Variants in RPS6KA2 observed in about 807,000 individuals in gnomAD.
RPS6KA2 encodes the protein ribosomal protein S6 kinase A2.
Under a neutral mutation model 91.8 loss-of-function variants are expected in RPS6KA2, and 42 were observed. The ratio of observed to expected loss-of-function variants is 0.46; its 90% CI spans 0.36 to 0.59. The LOEUF (loss-of-function observed/expected upper bound fraction) is 0.59. Ranked by LOEUF, RPS6KA2 falls within the 20% of genes least tolerant of loss-of-function variation. RPS6KA2 has a pLI of 0.00. For synonymous variants in RPS6KA2, 414 were observed against 393.6 expected (o/e 1.05, Z -0.61); for missense variants, 798 against 978.5 (o/e 0.82, Z 2.46).
At chr6:166,705,700 CT>C (rs1562392894) in intron 2 of RPS6KA2, among the ~76,000 whole-genome samples, 1 of 152,118 alleles carries the variant, frequency 6.6e-6, no homozygotes, top group African/African-American at 2.4e-5. Flanking sequence ...TGACACAATC[CT>C]AGACATAGAC....
intron 2 of RPS6KA2, among the ~76,000 whole-genome samples, chr6:166,750,802 T>A (rs1036187350): frequency 6.6e-6 from 1 of 152,192 alleles, no homozygotes; most frequent in African/African-American, 2.4e-5. Context: ...AGCTGAGAAT[T>A]GGTCTAAAGC....
chr6:166,735,714 C>G (rs1583061278), intron 2 of RPS6KA2, among the ~76,000 whole-genome samples: 1 of 152,114 alleles, frequency 6.6e-6, no homozygotes, highest in South Asian at 2.1e-4. Context: ...TGCTGCTGAC[C>G]TGATAGGAGG....
chr6:166,639,126 C>T lies in RPS6KA2; in HGVS notation c.124-100342G>A, dbSNP rs530141663. Among the ~76,000 whole-genome samples the T allele has an allele frequency of 7.9e-4, 120 of 152,258 alleles. 1 individual carries two copies. The South Asian group carries it at 0.024, about 31-fold the overall frequency. ...TATTCGTAGAAATCCTAGAGTTTCACACAGAAAATTAATGAAATGGCTGGG... is the reference window on the plus strand; with the variant it reads ...TATTCGTAGAAATCCTAGAGTTTCATACAGAAAATTAATGAAATGGCTGGG... On this transcript the variant is annotated intron_variant, in intron 2 of 21. Transcript: ENST00000503859. This position sits in a 1 kb window ranked among gnomAD's most constrained non-coding sequence, Gnocchi z 4.2.
Position 166,726,135 on chromosome 6 carries a change from T to C in RPS6KA2, c.123+132065A>G, listed in dbSNP as rs1007313586. ...TTAGGCTACAATATAGAAGATTTTT[T>C]TTTTTTTTTAGTTTAAAATCTTACT... On this transcript the variant is annotated intron_variant, in intron 2 of 21. Coordinates refer to the RPS6KA2 transcript ENST00000503859. The surrounding 1 kb of genome is among the most constrained non-coding windows in gnomAD (Gnocchi z 4.4). 6.6e-6 allele frequency among the ~76,000 whole-genome samples: 1 copy of C among 152,188 alleles called. No individual in the cohort carries two copies. The highest frequency in any genetic ancestry group is 6.5e-5 in the Admixed American group (1 of 15,284).
intron 1 of RPS6KA2, among the ~76,000 whole-genome samples, chr6:166,556,127 T>C (rs1456926643): frequency 6.6e-6 from 1 of 152,180 alleles, no homozygotes; most frequent in African/African-American, 2.4e-5. Flanking sequence ...GAGCAGTGAA[T>C]AGCCTGTTCC....
chr6:166,678,272 C>G (rs1788673203), intron 2 of RPS6KA2, among the ~76,000 whole-genome samples: 1 of 152,194 alleles, frequency 6.6e-6, no homozygotes, highest in African/African-American at 2.4e-5. Context: ...CTCTGCTCCT[C>G]ACGAGGCTCT....
At chr6:166,474,336 C>T (rs1185838095) in intron 10 of RPS6KA2, among the ~76,000 whole-genome samples, 1 of 152,244 alleles carries the variant, frequency 6.6e-6, no homozygotes, top group Non-Finnish European at 1.5e-5. Context: ...GCCCGTGCGT[C>T]AGCCACAGGC....
At chr6:166,566,114 A>G (rs960588507) in intron 1 of RPS6KA2, among the ~76,000 whole-genome samples, 1 of 152,238 alleles carries the variant, frequency 6.6e-6, no homozygotes, top group African/African-American at 2.4e-5. Context: ...GGTGTGTGAC[A>G]GCAGGGAACA....
At chr6:166,826,249 T>C (rs562095571) in intron 2 of RPS6KA2, among the ~76,000 whole-genome samples, 12 of 152,364 alleles carry the variant, frequency 7.9e-5, no homozygotes, top group African/African-American at 2.9e-4. Flanking sequence ...TGATAGGATG[T>C]TTTTCATTTG....
chr6:166,548,441 G>A (rs1783896871), intron 1 of RPS6KA2, among the ~76,000 whole-genome samples: 2 of 152,190 alleles, frequency 1.3e-5, no homozygotes, highest in Admixed American at 1.3e-4. Flanking sequence ...AGATGGTAAG[G>A]TTTGCTACAT....
At chr6:166,638,731 T>G (rs9457191) in intron 2 of RPS6KA2, among the ~76,000 whole-genome samples, 3,929 of 152,186 alleles carry the variant, frequency 0.026, 87 homozygotes, top group East Asian at 0.074. Context: ...CGTCTGGCAG[T>G]GTTAGAGACA....
chr6:166,498,740 C>T, intron 7 of RPS6KA2, 90 bp from the exon 8 acceptor site: 2 of 1,505,392 alleles, frequency 1.3e-6, no homozygotes, highest in South Asian at 1.2e-5. Context: ...CTTCTGTGGG[C>T]TCTGCCCCCT....
chr6:166,587,777 C>T (rs1270884345), intron 1 of RPS6KA2, among the ~76,000 whole-genome samples: 1 of 152,080 alleles, frequency 6.6e-6, no homozygotes, highest in African/African-American at 2.4e-5. Context: ...TGAAACTAGC[C>T]GTCTGGCCTC....
At chr6:166,702,152 T>C (rs1427300508) in intron 2 of RPS6KA2, 35 of 1,586,610 alleles carry the variant, frequency 2.2e-5, no homozygotes, top group Non-Finnish European at 1.2e-5. Flanking sequence ...GATTTTAGAC[T>C]GGGTCTGTTT....
chr6:166,774,107 C>T (rs1562431628), intron 2 of RPS6KA2, among the ~76,000 whole-genome samples: 1 of 152,174 alleles, frequency 6.6e-6, no homozygotes, highest in Non-Finnish European at 1.5e-5. Context: ...GGCACCATCG[C>T]TTTCACGGCA....
chr6:166,540,737 CTT>C (rs1783627708), intron 1 of RPS6KA2, among the ~76,000 whole-genome samples: 2 of 152,242 alleles, frequency 1.3e-5, no homozygotes, highest in South Asian at 4.2e-4. Flanking sequence ...GACTGTGCAG[CTT>C]TTGTGGTGAA....
At chr6:166,788,379 A>G (rs569475695) in intron 2 of RPS6KA2, among the ~76,000 whole-genome samples, 5 of 152,236 alleles carry the variant, frequency 3.3e-5, no homozygotes, top group Non-Finnish European at 7.3e-5. Flanking sequence ...ATAAAGACAC[A>G]TGCACACCTA....
At chr6:166,556,921 C>T (rs773795942) in intron 1 of RPS6KA2, among the ~76,000 whole-genome samples, 30 of 152,238 alleles carry the variant, frequency 2.0e-4, no homozygotes, top group Non-Finnish European at 3.1e-4. Flanking sequence ...TTTAGAAGCC[C>T]GCTAGAGGCT....
At chr6:166,427,705 G>T (rs1358750275) in intron 16 of RPS6KA2, among the ~76,000 whole-genome samples, 2 of 152,238 alleles carry the variant, frequency 1.3e-5, no homozygotes, top group Non-Finnish European at 2.9e-5. Flanking sequence ...ATTCACAATT[G>T]CTTCAAAGAG....
Sources: gnomAD v4.1 joint callset for allele counts (sites outside exome capture counted in the v4.1 genomes callset) on GRCh38, gnomAD v4.1.1 for gene constraint, Gnocchi (gnomAD v3.1) non-coding constraint, MANE v1.5 for transcripts, NCBI Gene and HGNC (gene_info 2026-07-23, HGNC 2026-07-21) for gene names.